The following RAD23B variants were observed in gnomAD, a reference collection of about 807,000 sequenced individuals.
RAD23B encodes the protein lysine-specific demethylase RAD23B.
RAD23B carries 5 observed loss-of-function variants against 49.1 expected under a neutral mutation model. That is an observed-to-expected ratio of 0.10 (90% CI 0.05 to 0.21). The LOEUF is 0.21. RAD23B is among the 10% of genes least tolerant of loss of function. The pLI, the probability that RAD23B is intolerant of heterozygous loss-of-function variation, is 1.00. For missense variants in RAD23B, 356 were observed against 486.7 expected, an observed-to-expected ratio of 0.73 and a Z score of 2.53; for synonymous variants, 184 against 165.4, an observed-to-expected ratio of 1.11 and a Z score of -0.86.
chr9:107,319,395 G>A (rs1827065491), intron 6 of RAD23B, among the ~76,000 whole-genome samples: 2 of 152,038 alleles, frequency 1.3e-5, no homozygotes, highest in African/African-American at 4.8e-5. Flanking sequence ...CTCCCAAAGT[G>A]CTGGGATTAC....
At chr9:107,285,155 A>C (rs1833250708) in intron 1 of RAD23B, among the ~76,000 whole-genome samples, 1 of 152,234 alleles carries the variant, frequency 6.6e-6, no homozygotes, top group Non-Finnish European at 1.5e-5. Flanking sequence ...TCAGTTATAC[A>C]TGAGAAACTT....
chr9:107,285,269 G>A (rs1172776555), intron 1 of RAD23B, among the ~76,000 whole-genome samples: 1 of 152,190 alleles, frequency 6.6e-6, no homozygotes, highest in African/African-American at 2.4e-5. Context: ...GCATTAATAA[G>A]TTGAAGGGTG....
At chr9:107,307,818 A>G (rs1826809303) in intron 4 of RAD23B, among the ~76,000 whole-genome samples, 1 of 152,184 alleles carries the variant, frequency 6.6e-6, no homozygotes, top group African/African-American at 2.4e-5. Flanking sequence ...GGGTTTAGGC[A>G]ATAGAATATT....
rs113188840 is a variant in RAD23B, at chr9:107,320,656, A to G, written c.682-1327A>G. 4.8e-3 allele frequency among the ~76,000 whole-genome samples: 724 copies of G among 152,360 alleles called. 9 individuals carry two copies. Among genetic ancestry groups the G allele is most frequent in the African/African-American group, 0.016 (674 of 41,578 alleles). ...GAAAGAAGAAATGTTGAGCATTTATATAAGAGGCTATGTAATGTGTGAGAA... is the reference window on the plus strand; with the variant it reads ...GAAAGAAGAAATGTTGAGCATTTATGTAAGAGGCTATGTAATGTGTGAGAA... On this transcript the variant is annotated intron_variant, in intron 6 of 9. Transcript: ENST00000358015.
At chr9:107,322,355 TTTTA>T (rs1371356395) in intron 7 of RAD23B, among the ~76,000 whole-genome samples, 1 of 152,216 alleles carries the variant, frequency 6.6e-6, no homozygotes, top group African/African-American at 2.4e-5. Flanking sequence ...GCATATTCTG[TTTTA>T]TTTGTTTTAA....
intron 5 of RAD23B, among the ~76,000 whole-genome samples, chr9:107,314,660 GATTT>G (rs1248468057): frequency 1.3e-5 from 2 of 152,146 alleles, no homozygotes; most frequent in Admixed American, 6.5e-5. Context: ...TTGATATAAT[GATTT>G]ATTTCCCTTT....
intron 1 of RAD23B, among the ~76,000 whole-genome samples, chr9:107,290,391 A>T (rs906903393): frequency 1.3e-5 from 2 of 152,144 alleles, no homozygotes; most frequent in Admixed American, 1.3e-4. Context: ...CATCTTAATG[A>T]TACACTCCCT....
At position 107,318,936 on chromosome 9, in the gene RAD23B, A is replaced by G. The variant is rs1418294113; in HGVS notation, c.681+57A>G. 6.6e-7 allele frequency: 1 copy of G among 1,526,456 alleles called. No homozygotes were observed. The highest frequency in any genetic ancestry group is 1.4e-5 in the African/African-American group (1 of 72,382). The allele number at this position is 1,526,456 out of a possible 1,614,324, so 94.6% of individuals were successfully genotyped here. The stretch of plus-strand genomic sequence containing the variant: ...GTTGTTTAAGATTAAAATCTCAAAG[A>G]AACAGATTTTAAAGGACCAGTTCAC... On this transcript the variant is annotated intron_variant, in intron 6 of 9. Transcript: ENST00000358015. This position sits in a 1 kb window ranked among gnomAD's most constrained non-coding sequence, Gnocchi z 4.3.
At position 107,322,135 on chromosome 9, in the gene RAD23B, T is replaced by G. The variant is rs1193260775; in HGVS notation, c.817+17T>G. The G allele has an allele frequency of 6.3e-7, 1 of 1,579,592 alleles. No individual in the cohort carries two copies. On this transcript the variant is annotated intron_variant, in intron 7 of 9. Transcript: ENST00000358015. ...GTTCTGGAGGTAAAGCGGAATCTTC[T>G]GGATGGGGAGGGAATGGCCCTGAAT...
rs1411623808 is a variant in RAD23B at position 107,322,026 on chromosome 9, C to G, written c.725C>G (p.Pro242Arg). Residue 242 changes from proline (P) to arginine (R), a missense_variant, in exon 7 of 10, where the codon CCT becomes CGT. Around this residue, in one of 5 missense-constraint regions of RAD23B, gnomAD observed 148 missense variants for 231.7 expected, o/e 0.64. Transcript: ENST00000358015. ...GAAAGTCAGGCTGTGGTTGACCCCC[C>G]TCAAGCAGCTAGTACTGGGGCTCCT... ...DRESQAVVDP[P>R]QAASTGAPQS... 3.7e-6 allele frequency: 6 copies of G among 1,613,172 alleles called. No homozygotes were observed. Among genetic ancestry groups the G allele is most frequent in the Non-Finnish European group, 5.1e-6 (6 of 1,179,622 alleles).
chr9:107,318,794 C>G lies in RAD23B; in HGVS notation c.596C>G (p.Ser199Ter), dbSNP rs752120411. Residue 199 changes from serine to a stop codon, truncating the protein, a stop_gained, in exon 6 of 10, where the codon TCA (serine) becomes TGA (stop). Transcript: ENST00000358015. LOFTEE classifies it high-confidence loss of function. The surrounding 1 kb of genome is among the most constrained non-coding windows in gnomAD (Gnocchi z 4.3). ...GAGAATATGGTAACTGAGATCATGT[C>G]AATGGGCTATGAACGAGAGCAAGTA... is the stretch of plus-strand genomic sequence containing the variant. ...SYENMVTEIMSMGYEREQVIA... is the reference protein window; with the variant it reads ...SYENMVTEIM 6.2e-7 allele frequency: 1 copy of G among 1,613,532 alleles called. No individual in the cohort carries two copies. The highest frequency in any genetic ancestry group is 1.7e-5 in the Admixed American group (1 of 59,998).
intron 6 of RAD23B, among the ~76,000 whole-genome samples, chr9:107,320,956 A>T (rs1827098148): frequency 6.6e-6 from 1 of 152,210 alleles, no homozygotes; most frequent in Non-Finnish European, 1.5e-5. Context: ...GGAAGCATTT[A>T]TCATCTTATT....
chr9:107,321,952 G>T, intron 6 of RAD23B, 31 bp from the exon 7 acceptor site: 1 of 1,566,382 alleles, frequency 6.4e-7, no homozygotes, highest in South Asian at 1.2e-5. Flanking sequence ...TGCATGATGG[G>T]ATATCTTAAA....
Position 107,318,652 on chromosome 9 carries a change from A to T in RAD23B, c.554-100A>T. On this transcript the variant is annotated intron_variant, in intron 5 of 9. Coordinates refer to ENST00000358015, the MANE Select transcript of RAD23B (RefSeq NM_002874.5). The surrounding 1 kb of genome is among the most constrained non-coding windows in gnomAD (Gnocchi z 4.3). ...TGTTACTCATCTTTGTATTCCCAGC[A>T]TAGTAGTTCCTGAAATGTTGTATAC... 7.9e-7 allele frequency: 1 copy of T among 1,269,324 alleles called. No homozygotes were observed. 78.6% of individuals were successfully genotyped at this position (1,269,324 alleles called of 1,614,324 possible).
intron 9 of RAD23B, 178 bp downstream of exon 9, chr9:107,325,182 C>A: frequency 1.5e-5 from 7 of 457,390 alleles, no homozygotes; most frequent in South Asian, 1.5e-4. Flanking sequence ...GGCGTGGTGG[C>A]ACATACCTGT....
intron 4 of RAD23B, among the ~76,000 whole-genome samples, chr9:107,310,663 A>C (rs976702768): frequency 6.6e-6 from 1 of 152,202 alleles, no homozygotes; most frequent in Non-Finnish European, 1.5e-5. Flanking sequence ...TTAGTTTTAC[A>C]GTATATTTAA....
chr9:107,324,561 T>G (rs1469776929), intron 8 of RAD23B, among the ~76,000 whole-genome samples: 2 of 148,316 alleles, frequency 1.3e-5, no homozygotes, highest in South Asian at 2.1e-4. Context: ...TAGTTTTTTT[T>G]GTTTGTTTTT....
rs1422863643 is a variant in RAD23B at position 107,296,659 on chromosome 9, C to T, written c.67-3482C>T. Among the ~76,000 whole-genome samples, 4 of 151,928 alleles carry T rather than the reference C, an allele frequency of 2.6e-5. 1 individual carries two copies. Among genetic ancestry groups the T allele is most frequent in the Admixed American group, 1.3e-4 (2 of 15,252 alleles). On this transcript the variant is annotated intron_variant, in intron 1 of 9. Coordinates refer to ENST00000358015, the MANE Select transcript of RAD23B (RefSeq NM_002874.5). ...TTGACTCACTGCAGCCTCAGCCTCC[C>T]GAGTAGCTGGGATTACAGGCGTGCA...
rs1405007321 is a variant in RAD23B, at chr9:107,302,057, T to C, written c.171T>C (p.Thr57=). The change falls in exon 3 of 10, where the codon ACT becomes ACC. Residue 57 remains threonine, a synonymous_variant. Coordinates refer to ENST00000358015, the MANE Select transcript of RAD23B (RefSeq NM_002874.5). Reference sequence around the variant, plus strand: ...TAGGCAAAATCCTCAATGATGATACTGCTCTCAAAGAATATAAAATTGATG... The same window carrying C: ...TAGGCAAAATCCTCAATGATGATACCGCTCTCAAAGAATATAAAATTGATG... The part of the protein sequence containing the change: ...IYAGKILNDD[T]ALKEYKIDEK... The C allele has an allele frequency of 6.2e-7, 1 of 1,613,084 alleles. No homozygotes were observed. The highest frequency in any genetic ancestry group is 1.3e-5 in the African/African-American group (1 of 75,012).
Sources: allele counts gnomAD v4.1 joint callset (sites outside exome capture counted in the v4.1 genomes callset), GRCh38; gene constraint gnomAD v4.1.1; regional missense constraint gnomAD v4.1.1; non-coding constraint Gnocchi (gnomAD v3.1); transcripts MANE v1.5; gene names NCBI Gene and HGNC (gene_info 2026-07-23, HGNC 2026-07-21).